Variants in N4BP2L1 observed in about 807,000 individuals in gnomAD.
N4BP2L1 encodes NEDD4 binding protein 2 like 1.
N4BP2L1 carries 12 observed loss-of-function variants against 21.2 expected under a neutral mutation model. The ratio of observed to expected loss-of-function variants is 0.57; its 90% CI spans 0.36 to 0.92. The LOEUF (loss-of-function observed/expected upper bound fraction) is 0.92. N4BP2L1 is among the 40% of genes least tolerant of loss of function. The pLI is 0.01. For missense variants in N4BP2L1, 259 were observed against 310.6 expected (o/e 0.83, Z 1.25); for synonymous variants, 104 against 112.8 (o/e 0.92, Z 0.49).
intron 1 of N4BP2L1, among the ~76,000 whole-genome samples, chr13:32,427,557 G>C (rs1312702607): frequency 6.6e-6 from 1 of 152,202 alleles, no homozygotes; most frequent in Non-Finnish European, 1.5e-5. Context: ...GGCGGGGCAC[G>C]GCGGCGGGGA....
chr13:32,412,709 A>G (rs1221275068), intron 1 of N4BP2L1, among the ~76,000 whole-genome samples: 4 of 152,018 alleles, frequency 2.6e-5, no homozygotes, highest in Non-Finnish European at 1.5e-5. Context: ...TTTATCAAGT[A>G]TCTCTTAAGA....
At chr13:32,428,165 T>A, upstream of N4BP2L1, 2 of 1,327,586 alleles carry the variant, frequency 1.5e-6, no homozygotes, top group Non-Finnish European at 2.0e-6. Flanking sequence ...TTTGTGACTC[T>A]CCGGCCATGT....
At position 32,401,871 on chromosome 13, in the gene N4BP2L1, A is replaced by C; in HGVS notation, c.*1071T>G. 1.0e-6 allele frequency: 1 copy of C among 961,060 alleles called. No individual in the cohort carries two copies. The highest frequency in any genetic ancestry group is 4.8e-5 in the South Asian group (1 of 20,790). The allele number at this position is 961,060 out of a possible 1,614,324, so 59.5% of individuals were successfully genotyped here. ...GCATACGTCCTCTGTGGTCTTGTCT[A>C]TCATGATCTCACATTAAATCTGATT... On this transcript the variant is annotated 3_prime_UTR_variant, in exon 5 of 5. Coordinates refer to ENST00000380130, the MANE Select transcript of N4BP2L1 (RefSeq NM_052818.3).
chr13:32,407,395 G>A, intron 2 of N4BP2L1, 57 bp from the exon 3 acceptor site: 2 of 1,613,062 alleles, frequency 1.2e-6, no homozygotes, highest in Middle Eastern at 1.7e-4. Context: ...GGGAAGGTGA[G>A]CGTAATCTCT....
chr13:32,427,422 CGCGCCAGCGG>C (rs2074841553), intron 1 of N4BP2L1, among the ~76,000 whole-genome samples: 1 of 152,254 alleles, frequency 6.6e-6, no homozygotes, highest in African/African-American at 2.4e-5. Context: ...CGGCCGCCTG[CGCGCCAGCGG>C]GGCCCGGCGG....
intron 1 of N4BP2L1, among the ~76,000 whole-genome samples, chr13:32,423,511 CAAAG>C (rs1434059216): frequency 2.0e-5 from 3 of 152,108 alleles, no homozygotes; most frequent in Admixed American, 2.0e-4. Context: ...CATGAAAAAA[CAAAG>C]AAAGGCTACC....
At position 32,402,938 on chromosome 13, in the gene N4BP2L1, G is replaced by C; in HGVS notation, c.*4C>G. 1 of 1,574,622 alleles carries C rather than the reference G, an allele frequency of 6.4e-7. No individual in the cohort carries two copies. Among genetic ancestry groups the C allele is most frequent in the Non-Finnish European group, 8.6e-7 (1 of 1,157,782 alleles). On this transcript the variant is annotated 3_prime_UTR_variant, in exon 5 of 5. Transcript: ENST00000380130. ...AAAATTCTGCCTGGCTGTAAGATAG[G>C]CCTCTAATATCCATGGTGACAACCG...
intron 1 of N4BP2L1, among the ~76,000 whole-genome samples, chr13:32,417,588 G>A (rs116856703): frequency 5.9e-5 from 9 of 152,250 alleles, no homozygotes; most frequent in Admixed American, 1.3e-4. Flanking sequence ...TGGTACCACA[G>A]AGAATGGGGC....
At chr13:32,423,218 G>A (rs1035514472) in intron 1 of N4BP2L1, among the ~76,000 whole-genome samples, 1 of 152,166 alleles carries the variant, frequency 6.6e-6, no homozygotes, top group Non-Finnish European at 1.5e-5. Flanking sequence ...GCTCTATAAT[G>A]AAAAGAAATA....
Position 32,401,904 on chromosome 13 carries a change from G to A in N4BP2L1, c.*1038C>T, listed in dbSNP as rs1451272757. On this transcript the variant is annotated 3_prime_UTR_variant, in exon 5 of 5. Transcript: ENST00000380130. The stretch of plus-strand genomic sequence containing the variant: ...CTCACATTAAATCTGATTCCAACCT[G>A]TTGGAAATTAATTTGGATTCATAAA... The A allele has an allele frequency of 1.0e-6, 1 of 984,942 alleles. No individual in the cohort carries two copies. Among genetic ancestry groups the A allele is most frequent in the Non-Finnish European group, 1.2e-6 (1 of 829,272 alleles). The allele number at this position is 984,942 out of a possible 1,614,324, so 61.0% of individuals were successfully genotyped here.
rs2073109023 is a variant in N4BP2L1 at position 32,401,162 on chromosome 13, G to A, written c.*1780C>T. 1 of 152,140 alleles carries A rather than the reference G, an allele frequency of 6.6e-6. No homozygotes were observed. Among genetic ancestry groups the A allele is most frequent in the African/African-American group, 2.4e-5 (1 of 41,418 alleles). 9.4% of individuals were successfully genotyped at this position (152,140 alleles called of 1,614,324 possible). On this transcript the variant is annotated 3_prime_UTR_variant, in exon 5 of 5. Coordinates refer to ENST00000380130, the MANE Select transcript of N4BP2L1 (RefSeq NM_052818.3). ...TTGAACCGCTCATGTGAAATCAAAG[G>A]ATGGTAATTTCCACTTTGAGCTCTC...
chr13:32,403,318 C>G, intron 4 of N4BP2L1, 118 bp from the exon 5 acceptor site: 1 of 1,033,242 alleles, frequency 9.7e-7, no homozygotes, highest in South Asian at 1.7e-5. Flanking sequence ...CTAGCTCTGG[C>G]AAAAGCATAA....
At chr13:32,406,128 C>T (rs914047801) in intron 3 of N4BP2L1, among the ~76,000 whole-genome samples, 1 of 151,222 alleles carries the variant, frequency 6.6e-6, no homozygotes, top group Non-Finnish European at 1.5e-5. Context: ...TCAGGATGGT[C>T]TCAATCTCCT....
rs374210307 is a variant in N4BP2L1 at position 32,422,278 on chromosome 13, G to T, written c.179+5626C>A. Among the ~76,000 whole-genome samples the T allele has an allele frequency of 9.2e-5, 14 of 151,900 alleles. No homozygotes were observed. In the South Asian group the frequency reaches 2.9e-3, roughly 32 times the overall value. On this transcript the variant is annotated intron_variant, in intron 1 of 4. Transcript: ENST00000380130. Reference sequence around the variant, plus strand: ...TAAGGCTCTTGTTTTTTCATTATACGACAGATCAAAACCAAACTCATTACC... The same window carrying T: ...TAAGGCTCTTGTTTTTTCATTATACTACAGATCAAAACCAAACTCATTACC...
chr13:32,422,268 T>G (rs750273687), intron 1 of N4BP2L1, among the ~76,000 whole-genome samples: 1 of 152,188 alleles, frequency 6.6e-6, no homozygotes, highest in Admixed American at 6.5e-5. Flanking sequence ...CTCTTGTTTT[T>G]TCATTATACG....
intron 1 of N4BP2L1, among the ~76,000 whole-genome samples, chr13:32,422,788 A>C (rs1418030103): frequency 6.6e-6 from 1 of 152,202 alleles, no homozygotes; most frequent in African/African-American, 2.4e-5. Context: ...GACTCTCGGT[A>C]GTGAGGAGAG....
intron 3 of N4BP2L1, 71 bp from the exon 4 acceptor site, chr13:32,404,468 T>C (rs1001641952): frequency 2.0e-6 from 2 of 1,020,100 alleles, no homozygotes; most frequent in Non-Finnish European, 3.0e-6. Flanking sequence ...TGCTGCCATT[T>C]AACATTTACT....
rs2073264005 is a variant in N4BP2L1 at position 32,403,302 on chromosome 13, C to G, written c.474-102G>C. On this transcript the variant is annotated intron_variant, in intron 4 of 4. Transcript: ENST00000380130. ...TTGCAGATATTGCAGTCCCTGTTCT[C>G]AGGACCTAGCTCTGGCAAAAGCATA... is the stretch of plus-strand genomic sequence containing the variant. The G allele has an allele frequency of 7.5e-6, 9 of 1,200,660 alleles. No homozygotes were observed. In the South Asian group the frequency reaches 1.2e-4, roughly 16 times the overall value. 74.4% of individuals were successfully genotyped at this position (1,200,660 alleles called of 1,614,324 possible). A position where few individuals can be genotyped will look rare whatever the true frequency, so the allele number is the denominator to read the frequency against.
At chr13:32,417,044 T>A (rs2074186698) in intron 1 of N4BP2L1, among the ~76,000 whole-genome samples, 1 of 152,184 alleles carries the variant, frequency 6.6e-6, no homozygotes. Context: ...CTCGAACTCC[T>A]GACCTCATGA....
Sources: allele counts gnomAD v4.1 joint callset (sites outside exome capture counted in the v4.1 genomes callset), GRCh38; gene constraint gnomAD v4.1.1; transcripts MANE v1.5; gene names NCBI Gene and HGNC (gene_info 2026-07-23, HGNC 2026-07-21).